The following PCDHA9 variants were observed in gnomAD, a reference collection of about 807,000 sequenced individuals.
The protein encoded by PCDHA9 is protocadherin alpha-9.
A neutral mutation model predicts 62.0 loss-of-function variants in PCDHA9; 62 were observed. The observed-to-expected ratio is 1.00, with a 90% confidence interval of 0.81 to 1.23. The LOEUF (loss-of-function observed/expected upper bound fraction) is 1.23, where lower values mean the gene tolerates loss of function less well. PCDHA9 is among the 50% of genes most tolerant of loss of function. The probability of loss-of-function intolerance (pLI) is 0.00; values close to 1 mark genes in which losing one functional copy is unlikely to be tolerated. For missense variants in PCDHA9, 1,205 were observed against 1,249.8 expected (o/e 0.96, Z 0.54); for synonymous variants, 557 against 567.6 (o/e 0.98, Z 0.27).
intron 1 of PCDHA9, among the ~76,000 whole-genome samples, chr5:140,945,084 G>A (rs2093736806): frequency 6.6e-6 from 1 of 151,822 alleles, no homozygotes; most frequent in Admixed American, 6.6e-5. Context: ...AACACTCTTG[G>A]AACTAATAAA....
chr5:140,878,350 T>C (rs932815141), intron 1 of PCDHA9, among the ~76,000 whole-genome samples: 1 of 152,250 alleles, frequency 6.6e-6, no homozygotes, highest in Non-Finnish European at 1.5e-5. Context: ...CACAATAATA[T>C]AAATGATATG....
At chr5:140,868,446 A>G (rs1224722166) in intron 1 of PCDHA9, 1 of 152,368 alleles carries the variant, frequency 6.6e-6, no homozygotes, top group Non-Finnish European at 1.5e-5. Flanking sequence ...TGTGGAACAT[A>G]AACACTAAAG....
intron 1 of PCDHA9, among the ~76,000 whole-genome samples, chr5:140,886,844 A>AAAAG (rs1232979230): frequency 8.6e-5 from 13 of 150,634 alleles, no homozygotes; most frequent in African/African-American, 1.2e-4. Flanking sequence ...AAAAAAAAAA[A>AAAAG]AAAGAAAGGT....
chr5:140,919,867 G>A (rs2079334985), intron 1 of PCDHA9, among the ~76,000 whole-genome samples: 1 of 152,178 alleles, frequency 6.6e-6, no homozygotes, highest in Non-Finnish European at 1.5e-5. Context: ...TTGGAAATAA[G>A]TCTTTGAAGA....
In PCDHA9 at chr5:140,944,181, G is replaced by A. The variant is rs112665762; in HGVS notation, c.2395-34768G>A. 4.3e-3 allele frequency among the ~76,000 whole-genome samples: 661 copies of A among 151,992 alleles called. 7 individuals are homozygous for A. Among genetic ancestry groups the A allele is most frequent in the African/African-American group, 0.015 (616 of 41,488 alleles). On this transcript the variant is annotated intron_variant, in intron 1 of 3. Coordinates refer to ENST00000532602, the MANE Select transcript of PCDHA9 (RefSeq NM_031857.2). ...AAAGGGCCAAGGCTGGTTTTTTGTTGGTTTGTTTTGTTTTGTTTTGTTTTT... is the reference window on the plus strand; with the variant it reads ...AAAGGGCCAAGGCTGGTTTTTTGTTAGTTTGTTTTGTTTTGTTTTGTTTTT...
chr5:140,899,619 A>G (rs2067442008), intron 1 of PCDHA9, among the ~76,000 whole-genome samples: 2 of 152,136 alleles, frequency 1.3e-5, no homozygotes, highest in Admixed American at 1.3e-4. Context: ...AATGTTCATC[A>G]AGGATATTGG....
At chr5:140,851,448 T>C (rs2042064678) in intron 1 of PCDHA9, 1 of 914,844 alleles carries the variant, frequency 1.1e-6, no homozygotes, top group African/African-American at 1.8e-5. Flanking sequence ...TGCTCCACTT[T>C]AGGAATCAAA....
At chr5:140,975,935 C>A (rs1351802479) in intron 1 of PCDHA9, among the ~76,000 whole-genome samples, 1 of 152,060 alleles carries the variant, frequency 6.6e-6, no homozygotes, top group Non-Finnish European at 1.5e-5. Flanking sequence ...ACCTTTGAAG[C>A]AATAGGACAT....
intron 1 of PCDHA9, chr5:140,968,722 T>A (rs1379540261): frequency 6.2e-7 from 1 of 1,613,728 alleles, no homozygotes; most frequent in Non-Finnish European, 8.5e-7. Context: ...GAGATGAGAG[T>A]GGTAGCACTT....
chr5:140,849,967 C>T lies in PCDHA9; in HGVS notation c.1472C>T (p.Ser491Phe), dbSNP rs2150460775. The part of the protein sequence containing the change: ...DADAQENALV[S>F]YSLVERRLGE... ...GACGCGCAGGAGAACGCCCTGGTGTCCTACTCGCTGGTGGAGCGGCGGTTG... is the reference window on the plus strand; with the variant it reads ...GACGCGCAGGAGAACGCCCTGGTGTTCTACTCGCTGGTGGAGCGGCGGTTG... Residue 491 changes from serine (S) to phenylalanine (F), a missense_variant, in exon 1 of 4, where the codon TCC becomes TTC. This residue lies in a region of PCDHA9 where 887 missense variants were observed against 809.5 expected (regional missense o/e 1.10). Transcript: ENST00000532602. The T allele has an allele frequency of 6.3e-7, 1 of 1,597,834 alleles. No homozygotes were observed. The highest frequency in any genetic ancestry group is 2.2e-5 in the East Asian group (1 of 44,846).
rs1251484030 is a variant in PCDHA9, at chr5:140,848,856, G to A, written c.361G>A (p.Val121Met). ...GCCGCTGCAGGTTTTCCATGTGGAC[G>A]TGGAGGTGAAGGACATTAACGACAA... ...DRPLQVFHVD[V>M]EVKDINDNPP... The change falls in exon 1 of 4, where the codon GTG becomes ATG. Residue 121 changes from valine (V) to methionine (M), a missense_variant. Around this residue, in one of 3 missense-constraint regions of PCDHA9, gnomAD observed 208 missense variants for 213.2 expected, o/e 0.98. Coordinates refer to ENST00000532602, the MANE Select transcript of PCDHA9 (RefSeq NM_031857.2). 7.5e-6 allele frequency: 12 copies of A among 1,590,572 alleles called. 2 individuals carry two copies. Among genetic ancestry groups the A allele is most frequent in the African/African-American group, 4.1e-5 (3 of 73,826 alleles).
At chr5:140,877,127 A>G (rs2056869003) in intron 1 of PCDHA9, 1 of 1,613,602 alleles carries the variant, frequency 6.2e-7, no homozygotes, top group African/African-American at 1.3e-5. Flanking sequence ...GTGACGCTGC[A>G]GGTGTTCGTG....
intron 1 of PCDHA9, among the ~76,000 whole-genome samples, chr5:140,924,534 C>G (rs1488047727): frequency 1.3e-5 from 2 of 152,134 alleles, no homozygotes; most frequent in African/African-American, 2.4e-5. Context: ...AATGCCCGAG[C>G]TACCCCTCTC....
At chr5:140,896,599 A>G (rs1247154870) in intron 1 of PCDHA9, among the ~76,000 whole-genome samples, 1 of 151,478 alleles carries the variant, frequency 6.6e-6, no homozygotes, top group African/African-American at 2.4e-5. Context: ...CTGGTCTCGA[A>G]CTCCTGGTCT....
At chr5:140,870,077 G>T (rs2051636689) in intron 1 of PCDHA9, 1 of 1,613,688 alleles carries the variant, frequency 6.2e-7, no homozygotes, top group African/African-American at 1.3e-5. Context: ...ACAGATAAGG[G>T]GACTCCCCCA....
intron 1 of PCDHA9, chr5:140,858,580 A>G (rs1374882572): frequency 8.9e-6 from 12 of 1,352,620 alleles, no homozygotes; most frequent in Middle Eastern, 2.1e-4. Context: ...CCTTTGTAAT[A>G]TAATTTATTC....
chr5:140,861,377 G>T (rs2046888604), intron 1 of PCDHA9: 1 of 418,518 alleles, frequency 2.4e-6, no homozygotes, highest in South Asian at 2.0e-5. Context: ...TCCCTATTGC[G>T]CAGGACCTGG....
At chr5:140,858,133 C>A in intron 1 of PCDHA9, 2 of 1,597,688 alleles carry the variant, frequency 1.3e-6, no homozygotes, top group Non-Finnish European at 1.7e-6. Context: ...TGGATGTCAA[C>A]GTGTACCTGA....
At position 140,929,035 on chromosome 5, in the gene PCDHA9, G is replaced by T. The variant is rs6877058; in HGVS notation, c.2395-49914G>T. 2.5e-3 allele frequency: 4,027 copies of T among 1,614,128 alleles called. 64 individuals are homozygous for T. In the African/African-American group the frequency reaches 0.039, roughly 15 times the overall value. On this transcript the variant is annotated intron_variant, in intron 1 of 3. Coordinates refer to ENST00000532602, the MANE Select transcript of PCDHA9 (RefSeq NM_031857.2). The stretch of plus-strand genomic sequence containing the variant: ...GTTGCACCAGAGCCCAGGCTGTTGC[G>T]CTCAGAGCTGCTGTCGCTCTACAGA...
Sources: gnomAD v4.1 joint callset for allele counts (sites outside exome capture counted in the v4.1 genomes callset) on GRCh38, gnomAD v4.1.1 for gene constraint, gnomAD v4.1.1 regional missense constraint, MANE v1.5 for transcripts, NCBI Gene and HGNC (gene_info 2026-07-23, HGNC 2026-07-21) for gene names.